Variants in CYP20A1 observed in about 807,000 individuals in gnomAD.
CYP20A1 encodes the protein cytochrome P450 20A1.
A neutral mutation model predicts 61.4 loss-of-function variants in CYP20A1; 61 were observed. The ratio of observed to expected loss-of-function variants is 0.99; its 90% CI spans 0.81 to 1.23. The LOEUF is 1.23. Ranked by LOEUF, CYP20A1 falls within the 50% of genes most tolerant of loss-of-function variation. The probability of loss-of-function intolerance (pLI) is 0.00; values close to 1 mark genes in which losing one functional copy is unlikely to be tolerated. For missense variants in CYP20A1, 530 were observed against 542.4 expected (o/e 0.98, Z 0.23); for synonymous variants, 193 against 188.2 (o/e 1.03, Z -0.21).
Position 203,304,951 on chromosome 2 carries a change from T to A in CYP20A1, c.*8043T>A, listed in dbSNP as rs1283645023. 6.6e-6 allele frequency among the ~76,000 whole-genome samples: 1 copy of A among 152,050 alleles called. No homozygotes were observed. The highest frequency in any genetic ancestry group is 1.5e-5 in the Non-Finnish European group (1 of 68,004). On this transcript the variant is annotated 3_prime_UTR_variant, in exon 13 of 13. Transcript: ENST00000356079. ...ACCCTCAAATAAATAAATAAATACA[T>A]GTTAAACATATACCTTTATTACTTC...
chr2:203,272,520 A>G (rs1378344167), intron 5 of CYP20A1, 150 bp from the exon 6 acceptor site: 5 of 392,650 alleles, frequency 1.3e-5, no homozygotes, highest in African/African-American at 2.4e-5. Context: ...CCAGCACTCT[A>G]GCCTAGGTGA....
chr2:203,241,069 A>G (rs2066237040), intron 1 of CYP20A1, among the ~76,000 whole-genome samples: 1 of 152,232 alleles, frequency 6.6e-6, no homozygotes, highest in African/African-American at 2.4e-5. Flanking sequence ...TTGTGAAGAT[A>G]GTGCCAATGG....
chr2:203,255,519 G>A (rs1440148617), intron 4 of CYP20A1, among the ~76,000 whole-genome samples: 1 of 152,136 alleles, frequency 6.6e-6, no homozygotes, highest in Non-Finnish European at 1.5e-5. Context: ...GAAATGCTAA[G>A]TTTCATTCAG....
chr2:203,269,267 C>G (rs539289344), intron 5 of CYP20A1, among the ~76,000 whole-genome samples: 1 of 150,548 alleles, frequency 6.6e-6, no homozygotes, highest in Non-Finnish European at 1.5e-5. Context: ...CACAGTGAGA[C>G]CCCTGTCTCC....
At chr2:203,240,321 AT>A (rs2105884229) in intron 1 of CYP20A1, among the ~76,000 whole-genome samples, 1 of 152,316 alleles carries the variant, frequency 6.6e-6, no homozygotes, top group Admixed American at 6.5e-5. Context: ...TGGTTCTTGA[AT>A]TTTTGGTGAT....
intron 9 of CYP20A1, among the ~76,000 whole-genome samples, chr2:203,286,449 A>G (rs562046854): frequency 2.8e-4 from 7 of 25,172 alleles, no homozygotes; most frequent in Admixed American, 4.8e-4. Flanking sequence ...AAGTAGTTCA[A>G]ATGTTCAACT....
intron 1 of CYP20A1, among the ~76,000 whole-genome samples, chr2:203,241,838 AATTTTTT>A (rs935617478): frequency 1.3e-5 from 2 of 151,584 alleles, no homozygotes; most frequent in African/African-American, 2.4e-5. Flanking sequence ...CTAATTTTTA[AATTTTTT>A]ATTTTTTATT....
intron 8 of CYP20A1, among the ~76,000 whole-genome samples, chr2:203,281,755 C>A (rs1032408480): frequency 6.6e-6 from 1 of 150,430 alleles, no homozygotes; most frequent in South Asian, 2.1e-4. Context: ...GAGCTGAGAT[C>A]GCACCACTGC....
Position 203,298,699 on chromosome 2 carries a change from CAAA to C in CYP20A1, c.*1805_*1807del, listed in dbSNP as rs755976703. On this transcript the variant is annotated 3_prime_UTR_variant, in exon 13 of 13. Coordinates refer to ENST00000356079, the MANE Select transcript of CYP20A1 (RefSeq NM_177538.3). ...CTGGGTGTCGAGTGAAACTCATTCT[CAAA>C]AAAAAAAAAAAAAGGAGGTGGGGAG... Among the ~76,000 whole-genome samples the C allele has an allele frequency of 6.8e-5, 6 of 88,460 alleles. No individual in the cohort carries two copies. Among genetic ancestry groups the C allele is most frequent in the African/African-American group, 8.7e-5 (2 of 22,862 alleles). 58.0% of individuals were successfully genotyped at this position (88,460 alleles called of 152,430 possible).
intron 7 of CYP20A1, among the ~76,000 whole-genome samples, chr2:203,279,109 C>T (rs575792889): frequency 7.6e-4 from 115 of 152,028 alleles, no homozygotes; most frequent in Admixed American, 1.4e-3. Context: ...GGACTACAGA[C>T]GCGCACCACC....
At chr2:203,290,022 C>CCTCCACCTCCCAGGTTCAAGGGATT (rs1346315469) in intron 10 of CYP20A1, 146 bp downstream of exon 10, 5 of 330,558 alleles carry the variant, frequency 1.5e-5, no homozygotes, top group Non-Finnish European at 2.3e-5. Context: ...CTCACTGCAA[C>CCTCCACCTCCCAGGTTCAAGGGATT]CTCCACCTCC....
intron 11 of CYP20A1, among the ~76,000 whole-genome samples, chr2:203,294,672 G>T (rs2068697349): frequency 6.6e-6 from 1 of 151,500 alleles, no homozygotes; most frequent in African/African-American, 2.4e-5. Flanking sequence ...GTCTCAATCT[G>T]TTGCCAGGCT....
At chr2:203,253,211 A>AC (rs1237846662) in intron 4 of CYP20A1, among the ~76,000 whole-genome samples, 1 of 152,010 alleles carries the variant, frequency 6.6e-6, no homozygotes, top group African/African-American at 2.4e-5. Flanking sequence ...CCAAAACCTT[A>AC]CTGCGGTTCC....
intron 5 of CYP20A1, 29 bp from the exon 6 acceptor site, chr2:203,272,641 A>G (rs1433383896): frequency 6.8e-7 from 1 of 1,466,534 alleles, no homozygotes; most frequent in African/African-American, 1.4e-5. Context: ...CCTATTAGAT[A>G]ATAGTTATGT....
chr2:203,291,631 CTT>C (rs2068536686), intron 10 of CYP20A1, among the ~76,000 whole-genome samples: 1 of 151,700 alleles, frequency 6.6e-6, no homozygotes, highest in Non-Finnish European at 1.5e-5. Flanking sequence ...TAGCAAATAA[CTT>C]TTACTGTTGC....
At chr2:203,291,581 TTATA>T (rs1010351039) in intron 10 of CYP20A1, among the ~76,000 whole-genome samples, 5 of 152,220 alleles carry the variant, frequency 3.3e-5, no homozygotes, top group African/African-American at 1.2e-4. Context: ...TCTAGTGAGC[TTATA>T]TATATTTGTA....
At position 203,300,764 on chromosome 2, in the gene CYP20A1, C is replaced by G. The variant is rs2068986367; in HGVS notation, c.*3856C>G. Among the ~76,000 whole-genome samples, 1 of 151,412 alleles carries G rather than the reference C, an allele frequency of 6.6e-6. No individual in the cohort carries two copies. The highest frequency in any genetic ancestry group is 6.6e-5 in the Admixed American group (1 of 15,124). ...ATTAGCCGGGCATGATGGAGCATCC[C>G]TGTAATCCTAGCTACTTGAGACGCT... On this transcript the variant is annotated 3_prime_UTR_variant, in exon 13 of 13. Coordinates refer to ENST00000356079, the MANE Select transcript of CYP20A1 (RefSeq NM_177538.3).
At chr2:203,285,792 T>C in intron 9 of CYP20A1, 60 bp downstream of exon 9, 1 of 1,401,626 alleles carries the variant, frequency 7.1e-7, no homozygotes, top group Non-Finnish European at 9.4e-7. Context: ...GTTTATCTAA[T>C]TTAAAGCTAT....
intron 4 of CYP20A1, among the ~76,000 whole-genome samples, chr2:203,257,210 C>T (rs996024245): frequency 2.0e-5 from 3 of 150,930 alleles, no homozygotes; most frequent in African/African-American, 4.9e-5. Flanking sequence ...CCCAGCTAAT[C>T]GAGAGTCTAT....
Sources: gnomAD v4.1 joint callset for allele counts (sites outside exome capture counted in the v4.1 genomes callset) on GRCh38, gnomAD v4.1.1 for gene constraint, MANE v1.5 for transcripts, NCBI Gene and HGNC (gene_info 2026-07-23, HGNC 2026-07-21) for gene names.